Variants in ESCO2 observed in about 807,000 individuals in gnomAD.
ESCO2 encodes N-acetyltransferase ESCO2.
In ESCO2, 51 loss-of-function variants were observed where a neutral mutation model predicts 61.7. The observed-to-expected ratio is 0.83, with a 90% CI of 0.66 to 1.04. The LOEUF (loss-of-function observed/expected upper bound fraction) is 1.04, where lower values mean the gene tolerates loss of function less well. ESCO2 is among the 50% of genes least tolerant of loss of function. ESCO2 has a pLI of 0.00. For synonymous variants in ESCO2, 230 were observed against 238.2 expected (o/e 0.97, Z 0.32); for missense variants, 692 against 686.2 (o/e 1.01, Z -0.09).
chr8:27,813,169 G>A (rs963557816), downstream of ESCO2, among the ~76,000 whole-genome samples: 4 of 152,152 alleles, frequency 2.6e-5, no homozygotes, highest in African/African-American at 9.7e-5. Context: ...TCCTTTGCAG[G>A]GACATGGATG....
chr8:27,784,543 A>G (rs528211731), intron 5 of ESCO2, among the ~76,000 whole-genome samples: 10 of 152,172 alleles, frequency 6.6e-5, no homozygotes, highest in Non-Finnish European at 1.5e-4. Context: ...ATAAGCATTT[A>G]CAACTTCATG....
In ESCO2 at chr8:27,799,676, A is replaced by G. The variant is rs1334506794; in HGVS notation, c.1633A>G (p.Arg545Gly). The G allele has an allele frequency of 1.2e-6, 2 of 1,613,886 alleles. No homozygotes were observed. The highest frequency in any genetic ancestry group is 1.3e-5 in the African/African-American group (1 of 74,870). The change falls in exon 10 of 11, where the codon AGA becomes GGA. Residue 545 changes from arginine to glycine, a missense_variant. Arg to Gly is a moderately radical substitution (Grantham distance 125, BLOSUM62 -2). Coordinates refer to ENST00000305188, the MANE Select transcript of ESCO2 (RefSeq NM_001017420.3). The part of the protein sequence containing the change: ...ISRIWVFRLK[R>G]RKRIARRLVD... ...TAGAATCTGGGTTTTCAGACTGAAG[A>G]GAAGAAAGCGCATTGCAAGACGACT...
chr8:27,779,773 C>T (rs763568501), intron 3 of ESCO2: 39 of 199,164 alleles, frequency 2.0e-4, no homozygotes, highest in Admixed American at 4.3e-4. Context: ...TGGGTTCAAG[C>T]AATTCTCCTG....
At chr8:27,815,216 T>G (rs1805786990), downstream of ESCO2, among the ~76,000 whole-genome samples, 1 of 152,030 alleles carries the variant, frequency 6.6e-6, no homozygotes, top group Non-Finnish European at 1.5e-5. Context: ...GAAGGAAAAG[T>G]GAGAATCCAT....
upstream of ESCO2, among the ~76,000 whole-genome samples, chr8:27,772,915 C>T (rs1418059248): frequency 6.6e-6 from 1 of 152,102 alleles, no homozygotes; most frequent in African/African-American, 2.4e-5. Context: ...GAACATAGCA[C>T]ACAAACGAGT....
At chr8:27,802,607 C>CAAAAAAAA (rs1188348304) in intron 10 of ESCO2, among the ~76,000 whole-genome samples, 5 of 29,180 alleles carry the variant, frequency 1.7e-4, no homozygotes, top group African/African-American at 2.7e-4. Flanking sequence ...GACTCTGTCT[C>CAAAAAAAA]AAAAAAAAAA....
At chr8:27,787,856 A>G (rs1805081028) in intron 5 of ESCO2, 29 bp from the exon 6 acceptor site, 1 of 1,548,238 alleles carries the variant, frequency 6.5e-7, no homozygotes, top group Admixed American at 1.7e-5. Flanking sequence ...AAAATTGTAA[A>G]TTTATATATA....
At chr8:27,801,369 T>C (rs901532055) in intron 10 of ESCO2, among the ~76,000 whole-genome samples, 1 of 152,190 alleles carries the variant, frequency 6.6e-6, no homozygotes, top group Non-Finnish European at 1.5e-5. Flanking sequence ...GCCTCTTGCA[T>C]TCTATGCCAC....
intron 5 of ESCO2, 139 bp from the exon 6 acceptor site, chr8:27,787,746 C>T (rs1213979255): frequency 6.0e-6 from 4 of 670,106 alleles, no homozygotes; most frequent in Non-Finnish European, 7.9e-6. Flanking sequence ...TCTCTTTGTT[C>T]CTGTCCTTAT....
At chr8:27,810,848 T>C, downstream of ESCO2, 1 of 733,652 alleles carries the variant, frequency 1.4e-6, no homozygotes, top group Non-Finnish European at 2.2e-6. Flanking sequence ...TAAACCTTGG[T>C]GGTACCAAAT....
At position 27,791,952 on chromosome 8, in the gene ESCO2, T is replaced by C; in HGVS notation, c.1264-11T>C. The C allele has an allele frequency of 6.2e-7, 1 of 1,613,972 alleles. No homozygotes were observed. Among genetic ancestry groups the C allele is most frequent in the East Asian group, 2.2e-5 (1 of 44,858 alleles). Reference sequence around the variant, plus strand: ...AAATTAAACTGTGACCCTTTTGTTTTCCTTTGGCAGGGTTGGAAGAAAGAA... The same window carrying C: ...AAATTAAACTGTGACCCTTTTGTTTCCCTTTGGCAGGGTTGGAAGAAAGAA... On this transcript the variant is annotated splice_polypyrimidine_tract_variant and intron_variant, in intron 7 of 10. Transcript: ENST00000305188.
Position 27,776,704 on chromosome 8 carries a change from C to T in ESCO2, c.396C>T (p.Cys132=). The T allele has an allele frequency of 6.2e-7, 1 of 1,613,800 alleles. No individual in the cohort carries two copies. Among genetic ancestry groups the T allele is most frequent in the Non-Finnish European group, 8.5e-7 (1 of 1,180,012 alleles). ...VTEKMQGKPV[C]SKKNNKKPQK... Reference sequence around the variant, plus strand: ...AAAAAATGCAAGGAAAACCAGTCTGCTCCAAGAAGAACAACAAAAAACCAC... The same window carrying T: ...AAAAAATGCAAGGAAAACCAGTCTGTTCCAAGAAGAACAACAAAAAACCAC... The change falls in exon 3 of 11, where the codon TGC becomes TGT. Residue 132 remains cysteine, a synonymous_variant. Transcript: ENST00000305188.
chr8:27,788,824 C>T (rs1805108027), intron 6 of ESCO2, 23 bp from the exon 7 acceptor site: 10 of 1,613,526 alleles, frequency 6.2e-6, no homozygotes, highest in African/African-American at 1.3e-5. Context: ...AAATGGGTTT[C>T]TTTTTTTACC....
chr8:27,796,085 GT>G (rs199966804), intron 9 of ESCO2, among the ~76,000 whole-genome samples: 1,806 of 145,856 alleles, frequency 0.012, 32 homozygotes, highest in African/African-American at 0.042. Context: ...TATGATGCAA[GT>G]TTTTTTTTTT....
At chr8:27,778,407 T>A (rs927445436) in intron 3 of ESCO2, 1 of 152,212 alleles carries the variant, frequency 6.6e-6, no homozygotes, top group African/African-American at 2.4e-5. Flanking sequence ...ACAGTCTAAT[T>A]TTACTAATTC....
chr8:27,775,480 T>A lies in ESCO2; in HGVS notation c.-16-19T>A, dbSNP rs1358346657. ...ATTTTTAATATTTTGATGAATGTGG[T>A]TATTGTCATTTCTTTTAGGAATTCA... On this transcript the variant is annotated intron_variant, in intron 1 of 10. Coordinates refer to ENST00000305188, the MANE Select transcript of ESCO2 (RefSeq NM_001017420.3). 6.3e-7 allele frequency: 1 copy of A among 1,595,740 alleles called. No homozygotes were observed. The highest frequency in any genetic ancestry group is 1.7e-5 in the Admixed American group (1 of 60,016).
In ESCO2 at chr8:27,777,036, A is replaced by G. The variant is rs143466016; in HGVS notation, c.728A>G (p.Asp243Gly). ...AAGAGTAAATCAGAAGTCATTGAAG[A>G]TTCTGATGTAGAGACTGTCAGTGAA... is the stretch of plus-strand genomic sequence containing the variant. The part of the protein sequence containing the change: ...TQKSKSEVIE[D>G]SDVETVSEKK... The change falls in exon 3 of 11, where the codon GAT becomes GGT. Residue 243 changes from aspartate (D) to glycine (G), a missense_variant. By Grantham distance (94) the Asp-to-Gly change is moderately conservative. Transcript: ENST00000305188. 54 of 1,611,712 alleles carry G rather than the reference A, an allele frequency of 3.4e-5. No individual in the cohort carries two copies. In the African/African-American group the frequency reaches 5.9e-4, roughly 18 times the overall value.
chr8:27,810,432 A>C (rs780404879), downstream of ESCO2: 7 of 1,608,182 alleles, frequency 4.4e-6, no homozygotes, highest in African/African-American at 9.4e-5. Context: ...TTCCATATTA[A>C]TAGGTGGCCT....
upstream of ESCO2, chr8:27,772,738 T>C (rs1804681259): frequency 1.7e-6 from 1 of 583,150 alleles, no homozygotes; most frequent in South Asian, 2.2e-5. Flanking sequence ...GCAAGGAGTT[T>C]GGTTCAGTGA....
Sources: allele counts gnomAD v4.1 joint callset (sites outside exome capture counted in the v4.1 genomes callset), GRCh38; gene constraint gnomAD v4.1.1; transcripts MANE v1.5; gene names NCBI Gene and HGNC (gene_info 2026-07-23, HGNC 2026-07-21).